The following CSMD2 variants were observed in gnomAD, a reference collection of about 807,000 sequenced individuals.
The protein encoded by CSMD2 is CUB and Sushi multiple domains 2, also known as CUB and sushi domain-containing protein 2.
A neutral mutation model predicts 398.5 loss-of-function variants in CSMD2; 130 were observed. That is an observed-to-expected ratio of 0.33 (90% CI 0.28 to 0.38). The LOEUF (loss-of-function observed/expected upper bound fraction) is 0.38, where lower values mean the gene tolerates loss of function less well. CSMD2 is among the 10% of genes least tolerant of loss of function. CSMD2 has a pLI of 1.00. For missense variants in CSMD2, 3,829 were observed against 4,764.9 expected (o/e 0.80, Z 5.78); for synonymous variants, 1,828 against 1,908.5 (o/e 0.96, Z 1.10).
At chr1:33,569,226 C>G (rs1051257484) in intron 52 of CSMD2, 148 bp downstream of exon 52, 2 of 791,386 alleles carry the variant, frequency 2.5e-6, no homozygotes, top group Admixed American at 3.3e-5. Flanking sequence ...TTTAGTCATG[C>G]CTGATGGCCA....
intron 2 of CSMD2, among the ~76,000 whole-genome samples, chr1:34,066,104 T>C (rs1458670482): frequency 2.0e-5 from 3 of 152,184 alleles, no homozygotes; most frequent in Non-Finnish European, 2.9e-5. Context: ...CTAATGATAA[T>C]ACATTCCCCA....
At chr1:33,572,909 A>C (rs1001355596) in intron 49 of CSMD2, among the ~76,000 whole-genome samples, 5 of 152,134 alleles carry the variant, frequency 3.3e-5, no homozygotes, top group African/African-American at 1.2e-4. Flanking sequence ...TAGAAGTGCA[A>C]AGAAGCTGTA....
intron 1 of CSMD2, among the ~76,000 whole-genome samples, chr1:34,110,731 G>A (rs1389807205): frequency 1.3e-5 from 2 of 152,012 alleles, no homozygotes; most frequent in African/African-American, 4.8e-5. Context: ...CAACATACAC[G>A]AGGGACTACC....
At chr1:33,803,164 G>A (rs999433871) in intron 10 of CSMD2, among the ~76,000 whole-genome samples, 1 of 152,066 alleles carries the variant, frequency 6.6e-6, no homozygotes, top group Non-Finnish European at 1.5e-5. Flanking sequence ...TTCTCCTCCC[G>A]CCTCTCAGAT....
At chr1:33,676,526 C>T (rs539392056) in intron 25 of CSMD2, among the ~76,000 whole-genome samples, 2 of 152,260 alleles carry the variant, frequency 1.3e-5, no homozygotes, top group African/African-American at 4.8e-5. Context: ...TGAAAATGGC[C>T]ATACTGCCCA....
intron 1 of CSMD2, among the ~76,000 whole-genome samples, chr1:34,128,555 C>T (rs1182149609): frequency 6.6e-6 from 1 of 152,166 alleles, no homozygotes; most frequent in Non-Finnish European, 1.5e-5. Flanking sequence ...CAGGCAGAGG[C>T]ATAGACCTGT....
At chr1:33,542,627 A>G (rs771477166) in intron 58 of CSMD2, 93 bp downstream of exon 58, 1 of 1,201,120 alleles carries the variant, frequency 8.3e-7, no homozygotes, top group Non-Finnish European at 1.2e-6. Context: ...CATCCCAACC[A>G]TTCTGCACCA....
chr1:33,829,233 A>G (rs1436036662), intron 6 of CSMD2, among the ~76,000 whole-genome samples: 2 of 152,224 alleles, frequency 1.3e-5, no homozygotes, highest in Non-Finnish European at 2.9e-5. Flanking sequence ...GATTGATGGT[A>G]GAACCTACAG....
intron 13 of CSMD2, among the ~76,000 whole-genome samples, chr1:33,755,657 A>AT (rs1335389163): frequency 2.6e-5 from 4 of 152,038 alleles, no homozygotes; most frequent in Non-Finnish European, 4.4e-5. Flanking sequence ...TCTTTAAACA[A>AT]TTTTTTAGAG....
rs759186632 is a variant in CSMD2 at position 33,692,944 on chromosome 1, G to A, written c.4038C>T (p.Ala1346=). 27 of 1,607,730 alleles carry A rather than the reference G, an allele frequency of 1.7e-5. No homozygotes were observed. The highest frequency in any genetic ancestry group is 2.0e-5 in the Non-Finnish European group (24 of 1,177,352). ...LNCIWTIEAE[A]GCTIGLHFLV... ...CTGACACTTACCCAATGGTGCAGCCGGCCTCTGCTTCGATGGTCCAGATGC... is the reference window on the plus strand; with the variant it reads ...CTGACACTTACCCAATGGTGCAGCCAGCCTCTGCTTCGATGGTCCAGATGC... The change falls in exon 25 of 71, where the codon GCC becomes GCT. Residue 1346 remains alanine, a synonymous_variant. Coordinates refer to ENST00000373381, the MANE Select transcript of CSMD2 (RefSeq NM_001281956.2).
chr1:33,807,989 C>G (rs1388952493), intron 10 of CSMD2, among the ~76,000 whole-genome samples: 1 of 151,978 alleles, frequency 6.6e-6, no homozygotes, highest in African/African-American at 2.4e-5. Context: ...AGGGAAAAAG[C>G]CTTTAAGGTT....
intron 2 of CSMD2, among the ~76,000 whole-genome samples, chr1:34,061,572 C>G (rs1322103672): frequency 6.6e-6 from 1 of 152,172 alleles, no homozygotes; most frequent in East Asian, 1.9e-4. Context: ...TTATGAGTTA[C>G]TCAATCTCCC....
intron 1 of CSMD2, among the ~76,000 whole-genome samples, chr1:34,092,827 G>C (rs1424927997): frequency 1.3e-5 from 2 of 152,198 alleles, no homozygotes; most frequent in Non-Finnish European, 2.9e-5. Flanking sequence ...AGCGAGGCTG[G>C]GGGAGGGGCG....
Position 33,625,187 on chromosome 1 carries a change from G to A in CSMD2, c.5364C>T (p.Gly1788=), listed in dbSNP as rs200711202. The A allele has an allele frequency of 1.2e-6, 2 of 1,614,018 alleles. No individual in the cohort carries two copies. The highest frequency in any genetic ancestry group is 1.7e-6 in the Non-Finnish European group (2 of 1,179,994). ...CGATGGCCCCCACCGAGAAGTCACT[G>A]CCCAGCCTCTTGCCATAGCGGGGTT... ...VPEPRYGKRL[G]SDFSVGAIVR... is the part of the protein sequence containing the mutation. Residue 1788 remains glycine, a synonymous_variant, in exon 34 of 71, where the codon GGC becomes GGT. Transcript: ENST00000373381.
Position 33,624,845 on chromosome 1 carries a change from G to A in CSMD2, c.5501-202C>T, listed in dbSNP as rs114191658. Reference sequence around the variant, plus strand: ...CCCTGGGCCCAGCTCCTCTCTCCACGTGTGCCCCGTCCCCAGTACACCGGC... The same window carrying A: ...CCCTGGGCCCAGCTCCTCTCTCCACATGTGCCCCGTCCCCAGTACACCGGC... On this transcript the variant is annotated intron_variant, in intron 34 of 70. Coordinates refer to ENST00000373381, the MANE Select transcript of CSMD2 (RefSeq NM_001281956.2). This position sits in a 1 kb window ranked among gnomAD's most constrained non-coding sequence, Gnocchi z 4.7. 1.3e-5 allele frequency among the ~76,000 whole-genome samples: 2 copies of A among 152,036 alleles called. No homozygotes were observed. Among genetic ancestry groups the A allele is most frequent in the African/African-American group, 4.8e-5 (2 of 41,382 alleles).
At position 34,114,902 on chromosome 1, in the gene CSMD2, A is replaced by C. The variant is rs140707208; in HGVS notation, c.188-25709T>G. ...TGACAATATCAACAAAAAGTTAGAA[A>C]CTATAATACAAGATCAAACAGAAAT... On this transcript the variant is annotated intron_variant, in intron 1 of 70. Coordinates refer to ENST00000373381, the MANE Select transcript of CSMD2 (RefSeq NM_001281956.2). Among the ~76,000 whole-genome samples, 1,463 of 152,288 alleles carry C rather than the reference A, an allele frequency of 9.6e-3. 21 individuals carry two copies. Among genetic ancestry groups the C allele is most frequent in the African/African-American group, 0.034 (1,406 of 41,562 alleles).
rs555542019 is a variant in CSMD2, at chr1:33,694,768, A to T, written c.3926-1712T>A. Among the ~76,000 whole-genome samples, 18 of 152,332 alleles carry T rather than the reference A, an allele frequency of 1.2e-4. No homozygotes were observed. The South Asian group carries it at 2.3e-3, about 19-fold the overall frequency. ...CAAACAACTGAATTGTACACTGGTA[A>T]ATAAAAATGGTCCCTGAGTGTAGGG... is the stretch of plus-strand genomic sequence containing the variant. On this transcript the variant is annotated intron_variant, in intron 24 of 70. Coordinates refer to ENST00000373381, the MANE Select transcript of CSMD2 (RefSeq NM_001281956.2).
chr1:33,942,077 G>C (rs1644693675), intron 3 of CSMD2, among the ~76,000 whole-genome samples: 1 of 152,138 alleles, frequency 6.6e-6, no homozygotes, highest in Admixed American at 6.5e-5. Context: ...CTTACTGAGA[G>C]ACTTAATGAT....
At chr1:34,082,608 C>A (rs1012966555) in intron 2 of CSMD2, among the ~76,000 whole-genome samples, 1 of 152,162 alleles carries the variant, frequency 6.6e-6, no homozygotes, top group Non-Finnish European at 1.5e-5. Context: ...GCCATGATGA[C>A]GATGGCGGTT....
Sources: allele counts gnomAD v4.1 joint callset (sites outside exome capture counted in the v4.1 genomes callset), GRCh38; gene constraint gnomAD v4.1.1; non-coding constraint Gnocchi (gnomAD v3.1); transcripts MANE v1.5; gene names NCBI Gene and HGNC (gene_info 2026-07-23, HGNC 2026-07-21).